Variants in NAP1L4 observed in about 807,000 individuals in gnomAD.
NAP1L4 encodes nucleosome assembly protein 1-like 4.
A neutral mutation model predicts 58.2 loss-of-function variants in NAP1L4; 15 were observed. The observed-to-expected ratio is 0.26, with a 90% CI of 0.17 to 0.40. NAP1L4 has a LOEUF of 0.40. NAP1L4 is among the 10% of genes least tolerant of loss of function. NAP1L4 has a pLI of 1.00. For synonymous variants in NAP1L4, 171 were observed against 155.6 expected (o/e 1.10, Z -0.74); for missense variants, 384 against 451.1 (o/e 0.85, Z 1.35).
intron 8 of NAP1L4, among the ~76,000 whole-genome samples, chr11:2,962,355 G>A (rs1280796307): frequency 2.0e-5 from 3 of 152,238 alleles, no homozygotes; most frequent in Non-Finnish European, 2.9e-5. Flanking sequence ...GCAGCAGGGT[G>A]ACACTGTGCA....
rs542067678 is a variant in NAP1L4 at position 2,976,183 on chromosome 11, G to A, written c.74-60C>T. ...TGCCCACCACACACAATAGCCAAGA[G>A]TCAAAAATTAGTAACATATCTACTT... On this transcript the variant is annotated intron_variant, in intron 3 of 15. Transcript: ENST00000380542. 1,615 of 1,318,216 alleles carry A rather than the reference G, an allele frequency of 1.2e-3. 1 individual carries two copies. The highest frequency in any genetic ancestry group is 1.6e-3 in the Non-Finnish European group (1,494 of 941,832). The allele number at this position is 1,318,216 out of a possible 1,614,324, so 81.7% of individuals were successfully genotyped here.
chr11:2,954,117 A>C lies in NAP1L4; in HGVS notation c.1035+410T>G, dbSNP rs144977994. On this transcript the variant is annotated intron_variant, in intron 12 of 15. Transcript: ENST00000380542. The surrounding 1 kb of genome is among the most constrained non-coding windows in gnomAD (Gnocchi z 4.8). ...TTACCTAATTAGATAGAAGTTCAGG[A>C]ATTTCTATTTCTTTTGGGTTGATGA... Among the ~76,000 whole-genome samples the C allele has an allele frequency of 3.2e-4, 49 of 152,188 alleles. No homozygotes were observed. Among genetic ancestry groups the C allele is most frequent in the Non-Finnish European group, 6.2e-4 (42 of 67,990 alleles).
chr11:2,963,853 C>A (rs1362607552), intron 8 of NAP1L4: 1 of 519,274 alleles, frequency 1.9e-6, no homozygotes, highest in Non-Finnish European at 3.8e-6. Context: ...GGAATGGAAC[C>A]CATTAGCTAC....
chr11:2,954,213 CCT>C lies in NAP1L4; in HGVS notation c.1035+312_1035+313del. 3 of 411,032 alleles carry C rather than the reference CCT, an allele frequency of 7.3e-6. No individual in the cohort carries two copies. The highest frequency in any genetic ancestry group is 1.3e-5 in the Non-Finnish European group (3 of 223,570). 25.5% of individuals were successfully genotyped at this position (411,032 alleles called of 1,614,324 possible). On this transcript the variant is annotated intron_variant, in intron 12 of 15. Coordinates refer to ENST00000380542, the MANE Select transcript of NAP1L4 (RefSeq NM_005969.4). This position sits in a 1 kb window ranked among gnomAD's most constrained non-coding sequence, Gnocchi z 4.8. Reference sequence around the variant, plus strand: ...CCAGACCTCCATAAAAGAGATATTCCCTGTGTTCACAAGTTCCCTGAAGCTTA... The same window carrying C: ...CCAGACCTCCATAAAAGAGATATTCCGTGTTCACAAGTTCCCTGAAGCTTA...
In NAP1L4 at chr11:2,951,918, A is replaced by G; in HGVS notation, c.1036-109T>C. ...CTGACCAAGCCTAAGAGGAGCAGAA[A>G]GTCCAGCCACGCTGCCTGCTGGGCC... On this transcript the variant is annotated intron_variant, in intron 12 of 15. Transcript: ENST00000380542. This position sits in a 1 kb window ranked among gnomAD's most constrained non-coding sequence, Gnocchi z 4.0. 1 of 1,105,056 alleles carries G rather than the reference A, an allele frequency of 9.0e-7. No homozygotes were observed. The highest frequency in any genetic ancestry group is 1.9e-5 in the Admixed American group (1 of 53,858). 68.5% of individuals were successfully genotyped at this position (1,105,056 alleles called of 1,614,324 possible).
At chr11:2,984,353 A>T (rs1848505201) in intron 1 of NAP1L4, among the ~76,000 whole-genome samples, 1 of 152,096 alleles carries the variant, frequency 6.6e-6, no homozygotes, top group African/African-American at 2.4e-5. Flanking sequence ...CGAGCGGATC[A>T]TCTGAGGTCA....
chr11:2,953,877 A>G (rs2133911930), intron 12 of NAP1L4, among the ~76,000 whole-genome samples: 1 of 152,368 alleles, frequency 6.6e-6, no homozygotes, highest in East Asian at 1.9e-4. Flanking sequence ...ACATACTTCC[A>G]GTAACAGTCT....
At chr11:2,981,362 G>C (rs186505256) in intron 1 of NAP1L4, among the ~76,000 whole-genome samples, 228 of 135,252 alleles carry the variant, frequency 1.7e-3, no homozygotes, top group African/African-American at 5.8e-3. Context: ...CGGCTGCAGT[G>C]ACCTATGACT....
chr11:2,949,235 G>A lies in NAP1L4; in HGVS notation c.*24C>T, dbSNP rs753536361. The A allele has an allele frequency of 7.5e-6, 12 of 1,595,348 alleles. No homozygotes were observed. Among genetic ancestry groups the A allele is most frequent in the South Asian group, 3.3e-5 (3 of 90,626 alleles). ...ATGGAATTCCACCTTACCTAGAAAC[G>A]TATGAATGATTAACAGACAAAAATT... On this transcript the variant is annotated 3_prime_UTR_variant, in exon 15 of 16. Transcript: ENST00000380542. This position sits in a 1 kb window ranked among gnomAD's most constrained non-coding sequence, Gnocchi z 4.0.
Position 2,971,251 on chromosome 11 carries a change from C to T in NAP1L4, c.402+197G>A, listed in dbSNP as rs370501291. Among the ~76,000 whole-genome samples, 21 of 152,330 alleles carry T rather than the reference C, an allele frequency of 1.4e-4. No homozygotes were observed. The highest frequency in any genetic ancestry group is 4.6e-4 in the African/African-American group (19 of 41,566). On this transcript the variant is annotated intron_variant, in intron 6 of 15. Coordinates refer to ENST00000380542, the MANE Select transcript of NAP1L4 (RefSeq NM_005969.4). The surrounding 1 kb of genome is among the most constrained non-coding windows in gnomAD (Gnocchi z 4.2). ...TCCACAGATAACTGAGGTGGCACTACATCTTACTCCTATTAACTGACAGTA... is the reference window on the plus strand; with the variant it reads ...TCCACAGATAACTGAGGTGGCACTATATCTTACTCCTATTAACTGACAGTA...
rs920055733 is a variant in NAP1L4 at position 2,949,135 on chromosome 11, C to A, written c.*32+92G>T. 7.2e-5 allele frequency: 71 copies of A among 988,808 alleles called. No individual in the cohort carries two copies. The highest frequency in any genetic ancestry group is 7.5e-5 in the Non-Finnish European group (48 of 644,052). The allele number at this position is 988,808 out of a possible 1,614,324, so 61.3% of individuals were successfully genotyped here. Reference sequence around the variant, plus strand: ...TGACACAGTGAGTGTACCTGGACAGCAACTCCCTCTTTATTCAAAGTCAAA... The same window carrying A: ...TGACACAGTGAGTGTACCTGGACAGAAACTCCCTCTTTATTCAAAGTCAAA... On this transcript the variant is annotated intron_variant, in intron 15 of 15. Transcript: ENST00000380542. This position sits in a 1 kb window ranked among gnomAD's most constrained non-coding sequence, Gnocchi z 4.0.
intron 4 of NAP1L4, among the ~76,000 whole-genome samples, chr11:2,975,239 G>A (rs967869819): frequency 4.6e-5 from 7 of 151,812 alleles, no homozygotes; most frequent in African/African-American, 7.3e-5. Context: ...GATTACTTGA[G>A]CTCAGGAGTT....
chr11:2,971,041 C>A lies in NAP1L4; in HGVS notation c.402+407G>T, dbSNP rs1044718163. On this transcript the variant is annotated intron_variant, in intron 6 of 15. Transcript: ENST00000380542. This position sits in a 1 kb window ranked among gnomAD's most constrained non-coding sequence, Gnocchi z 4.2. ...GCCACACCACAACCACCATCTGCAACCAATCCACTGGCGGAGCACCTCTCA... is the reference window on the plus strand; with the variant it reads ...GCCACACCACAACCACCATCTGCAAACAATCCACTGGCGGAGCACCTCTCA... 6.6e-6 allele frequency among the ~76,000 whole-genome samples: 1 copy of A among 152,220 alleles called. No homozygotes were observed. Among genetic ancestry groups the A allele is most frequent in the Non-Finnish European group, 1.5e-5 (1 of 68,038 alleles).
chr11:2,947,722 GGGA>G (rs1370261220), intron 15 of NAP1L4, among the ~76,000 whole-genome samples: 1 of 152,126 alleles, frequency 6.6e-6, no homozygotes, highest in Non-Finnish European at 1.5e-5. Context: ...AGATTATCAA[GGGA>G]GGAGGAGTTG....
rs1692124617 is a variant in NAP1L4 at position 2,955,805 on chromosome 11, G to A, written c.893-39C>T. 1 of 1,594,748 alleles carries A rather than the reference G, an allele frequency of 6.3e-7. No homozygotes were observed. The highest frequency in any genetic ancestry group is 1.1e-5 in the South Asian group (1 of 90,540). On this transcript the variant is annotated intron_variant, in intron 10 of 15. Coordinates refer to ENST00000380542, the MANE Select transcript of NAP1L4 (RefSeq NM_005969.4). The surrounding 1 kb of genome is among the most constrained non-coding windows in gnomAD (Gnocchi z 4.2). ...AGACAAAACATATTTAAATTACAGT[G>A]ACAACTCCCAGAATTTTAAAGCCCA...
intron 7 of NAP1L4, among the ~76,000 whole-genome samples, 179 bp from the exon 8 acceptor site, chr11:2,964,930 T>C (rs954655711): frequency 1.3e-5 from 2 of 152,206 alleles, no homozygotes; most frequent in Admixed American, 1.3e-4. Flanking sequence ...CTCCCTGTCA[T>C]AGAGAAGCAG....
intron 1 of NAP1L4, among the ~76,000 whole-genome samples, chr11:2,981,453 A>C (rs1335107004): frequency 1.4e-5 from 2 of 147,888 alleles, no homozygotes; most frequent in Non-Finnish European, 3.0e-5. Flanking sequence ...AAAGGCAATA[A>C]ACCCTACAAT....
At chr11:2,953,758 G>A (rs1012002778) in intron 12 of NAP1L4, among the ~76,000 whole-genome samples, 7 of 152,266 alleles carry the variant, frequency 4.6e-5, no homozygotes, top group Non-Finnish European at 7.3e-5. Context: ...AGGGGGCTAA[G>A]GCCCTTGAAC....
chr11:2,975,491 G>C (rs569751231), intron 4 of NAP1L4, among the ~76,000 whole-genome samples: 74 of 152,234 alleles, frequency 4.9e-4, no homozygotes, highest in African/African-American at 1.5e-3. Flanking sequence ...AGCATTTTGA[G>C]AGGCTGAGGC....
Sources: gnomAD v4.1 joint callset for allele counts (sites outside exome capture counted in the v4.1 genomes callset) on GRCh38, gnomAD v4.1.1 for gene constraint, Gnocchi (gnomAD v3.1) non-coding constraint, MANE v1.5 for transcripts, NCBI Gene and HGNC (gene_info 2026-07-23, HGNC 2026-07-21) for gene names.